The following DLG2 variants were observed in gnomAD, a reference collection of about 807,000 sequenced individuals.
DLG2 encodes discs large MAGUK scaffold protein 2.
A neutral mutation model predicts 132.5 loss-of-function variants in DLG2; 45 were observed. The observed-to-expected ratio is 0.34, with a 90% CI of 0.27 to 0.44. DLG2 has a LOEUF of 0.44. DLG2 is among the 20% of genes least tolerant of loss of function. DLG2 has a pLI of 1.00. For synonymous variants in DLG2, 424 were observed against 419.6 expected (o/e 1.01, Z -0.13); for missense variants, 1,045 against 1,196.9 (o/e 0.87, Z 1.87).
intron 3 of DLG2, among the ~76,000 whole-genome samples, chr11:85,352,907 C>A (rs1233130183): frequency 2.0e-5 from 3 of 152,072 alleles, no homozygotes; most frequent in Non-Finnish European, 2.9e-5. Flanking sequence ...TAGGCAATAC[C>A]ATTCAGGACA....
chr11:85,281,503 A>T (rs472630), intron 4 of DLG2, among the ~76,000 whole-genome samples: 118,857 of 151,904 alleles, frequency 0.78, 47,443 homozygotes, highest in Non-Finnish European at 0.88. Context: ...CAAAAGTAAA[A>T]TATTTCTAAT....
chr11:84,609,716 C>CT (rs1401759093), intron 6 of DLG2, among the ~76,000 whole-genome samples: 1 of 152,036 alleles, frequency 6.6e-6, no homozygotes, highest in African/African-American at 2.4e-5. Flanking sequence ...CCTGCCTTCC[C>CT]TTTTTTATGA....
At chr11:85,220,422 A>G (rs79756333) in intron 4 of DLG2, among the ~76,000 whole-genome samples, 118 of 152,192 alleles carry the variant, frequency 7.8e-4, no homozygotes, top group African/African-American at 2.7e-3. Flanking sequence ...GGGGAGTTAG[A>G]GATAAGCAAG....
At chr11:83,785,344 G>A (rs1441033647) in intron 18 of DLG2, among the ~76,000 whole-genome samples, 1 of 152,080 alleles carries the variant, frequency 6.6e-6, no homozygotes, top group South Asian at 2.1e-4. Context: ...TTAAGCCACC[G>A]CACACGGCCT....
At chr11:84,521,673 C>T (rs1406671505) in intron 7 of DLG2, among the ~76,000 whole-genome samples, 1 of 152,038 alleles carries the variant, frequency 6.6e-6, no homozygotes, top group Admixed American at 6.6e-5. Context: ...AGAAGGGGCT[C>T]CATTTTCTAA....
At chr11:84,212,537 T>C (rs560610077) in intron 8 of DLG2, among the ~76,000 whole-genome samples, 11 of 152,352 alleles carry the variant, frequency 7.2e-5, no homozygotes, top group African/African-American at 2.4e-4. Context: ...GATCAAAGAA[T>C]TTGTCCATTT....
intron 6 of DLG2, among the ~76,000 whole-genome samples, chr11:85,063,764 A>G (rs1184895690): frequency 1.6e-4 from 24 of 151,844 alleles, no homozygotes; most frequent in Non-Finnish European, 2.9e-5. Flanking sequence ...AAATCTATAA[A>G]AAGTCATTTG....
At chr11:85,607,003 CAAAG>C (rs1385975409) in intron 2 of DLG2, among the ~76,000 whole-genome samples, 4 of 152,156 alleles carry the variant, frequency 2.6e-5, no homozygotes, top group Non-Finnish European at 5.9e-5. Context: ...GTCAGAGAGA[CAAAG>C]AACCCACCAA....
At chr11:85,295,520 G>C (rs1409349144) in intron 3 of DLG2, among the ~76,000 whole-genome samples, 1 of 152,148 alleles carries the variant, frequency 6.6e-6, no homozygotes. Context: ...GAGAAACTGA[G>C]ACTGGTTCAA....
intron 2 of DLG2, among the ~76,000 whole-genome samples, 185 bp from the exon 3 acceptor site, chr11:85,598,973 T>C (rs1482089863): frequency 6.6e-6 from 1 of 152,218 alleles, no homozygotes; most frequent in Non-Finnish European, 1.5e-5. Context: ...AATCCAGTTT[T>C]ATTTCTATAG....
chr11:85,465,785 T>C (rs1391897916), intron 3 of DLG2, among the ~76,000 whole-genome samples: 4 of 152,050 alleles, frequency 2.6e-5, no homozygotes, highest in African/African-American at 7.2e-5. Flanking sequence ...TGTGTCTTTA[T>C]AGCAGCATGA....
chr11:84,874,447 T>A (rs2085996416), intron 6 of DLG2, among the ~76,000 whole-genome samples: 1 of 152,128 alleles, frequency 6.6e-6, no homozygotes, highest in South Asian at 2.1e-4. Flanking sequence ...AGAGAGGGAT[T>A]GGCCTGAGAT....
intron 21 of DLG2, among the ~76,000 whole-genome samples, chr11:83,501,186 T>C (rs1300945986): frequency 1.3e-5 from 2 of 149,840 alleles, no homozygotes; most frequent in African/African-American, 4.9e-5. Context: ...TTTCTATTTT[T>C]TTCTGTTTTT....
At chr11:84,752,090 A>C (rs566859037) in intron 6 of DLG2, among the ~76,000 whole-genome samples, 67 of 152,318 alleles carry the variant, frequency 4.4e-4, no homozygotes, top group Non-Finnish European at 2.2e-4. Context: ...GTTCAGTGAA[A>C]AGGCCATCTT....
intron 7 of DLG2, among the ~76,000 whole-genome samples, chr11:84,284,292 T>G (rs2097885535): frequency 6.6e-6 from 1 of 152,208 alleles, no homozygotes; most frequent in African/African-American, 2.4e-5. Context: ...AGTGATACCT[T>G]GATGGGCAAG....
chr11:84,289,157 T>C (rs1394705743), intron 7 of DLG2, among the ~76,000 whole-genome samples: 2 of 152,142 alleles, frequency 1.3e-5, no homozygotes, highest in African/African-American at 2.4e-5. Flanking sequence ...CTAATCATTA[T>C]ATCTAATTAA....
intron 6 of DLG2, among the ~76,000 whole-genome samples, chr11:84,779,721 A>G (rs915260734): frequency 6.6e-6 from 1 of 152,164 alleles, no homozygotes; most frequent in African/African-American, 2.4e-5. Context: ...CAGAAACATG[A>G]AAGTTCATCA....
intron 7 of DLG2, among the ~76,000 whole-genome samples, chr11:84,451,189 T>G (rs575945235): frequency 1.3e-5 from 2 of 151,998 alleles, no homozygotes; most frequent in East Asian, 3.9e-4. Flanking sequence ...TCATTATAAA[T>G]GTTTGTATTT....
intron 6 of DLG2, among the ~76,000 whole-genome samples, chr11:84,977,354 C>G (rs145698832): frequency 7.2e-4 from 110 of 152,226 alleles, no homozygotes; most frequent in African/African-American, 2.6e-3. Context: ...TAAGAACATG[C>G]AGAATCAAAG....
Sources: gnomAD v4.1 joint callset for allele counts (sites outside exome capture counted in the v4.1 genomes callset) on GRCh38, gnomAD v4.1.1 for gene constraint, MANE v1.5 for transcripts, NCBI Gene and HGNC (gene_info 2026-07-23, HGNC 2026-07-21) for gene names.